The following PPP2R2C variants were observed in gnomAD, a reference collection of about 807,000 sequenced individuals.
The protein encoded by PPP2R2C is protein phosphatase 2 regulatory subunit Bgamma.
PPP2R2C carries 10 observed loss-of-function variants against 45.3 expected under a neutral mutation model. The observed-to-expected ratio is 0.22, with a 90% CI of 0.14 to 0.37. The LOEUF is 0.37. PPP2R2C is among the 10% of genes least tolerant of loss of function. The pLI, the probability that PPP2R2C is intolerant of heterozygous loss-of-function variation, is 1.00. For missense variants in PPP2R2C, 308 were observed against 619.7 expected, an observed-to-expected ratio of 0.50 and a Z score of 5.34; for synonymous variants, 257 against 245.4, an observed-to-expected ratio of 1.05 and a Z score of -0.44.
At chr4:6,354,232 C>CACCGA (rs1431121622) in intron 5 of PPP2R2C, among the ~76,000 whole-genome samples, 2 of 151,790 alleles carry the variant, frequency 1.3e-5, no homozygotes, top group African/African-American at 4.8e-5. Context: ...TCTCCCACCC[C>CACCGA]ACCGAGGAGG....
At chr4:6,359,520 C>T (rs1257571297) in intron 5 of PPP2R2C, among the ~76,000 whole-genome samples, 1 of 151,496 alleles carries the variant, frequency 6.6e-6, no homozygotes, top group Non-Finnish European at 1.5e-5. Context: ...GTAGCTAGTG[C>T]CAATGTTGAA....
intron 5 of PPP2R2C, chr4:6,350,184 G>A (rs1286838069): frequency 2.0e-6 from 2 of 985,248 alleles, no homozygotes; most frequent in African/African-American, 1.7e-5. Context: ...GATACTGAAG[G>A]CCAAGCAAGA....
chr4:6,352,414 C>G (rs1226055790), intron 5 of PPP2R2C, among the ~76,000 whole-genome samples: 3 of 152,202 alleles, frequency 2.0e-5, no homozygotes, highest in Non-Finnish European at 2.9e-5. Context: ...AACTGCTTCA[C>G]AAGGTTCATT....
intron 1 of PPP2R2C, among the ~76,000 whole-genome samples, chr4:6,433,355 A>T (rs534128081): frequency 6.6e-6 from 1 of 152,308 alleles, no homozygotes; most frequent in South Asian, 2.1e-4. Context: ...TTTCATATCC[A>T]TTTCCAGTGG....
intron 2 of PPP2R2C, among the ~76,000 whole-genome samples, chr4:6,528,917 C>T (rs1373111571): frequency 1.3e-5 from 2 of 152,216 alleles, no homozygotes; most frequent in East Asian, 1.9e-4. Context: ...CCTTTGCTGA[C>T]TGTCTTTTCA....
chr4:6,328,310 A>T lies in PPP2R2C; in HGVS notation c.1052+952T>A, dbSNP rs190501554. Among the ~76,000 whole-genome samples the T allele has an allele frequency of 6.6e-6, 1 of 152,280 alleles. No homozygotes were observed. The highest frequency in any genetic ancestry group is 1.5e-5 in the Non-Finnish European group (1 of 68,014). ...AGTCTTTATCTCCACACTGTGTATC[A>T]TCTGGAGACCCACTTCTGAATCTGG... On this transcript the variant is annotated intron_variant, in intron 8 of 8. Coordinates refer to ENST00000382599, the MANE Select transcript of PPP2R2C (RefSeq NM_020416.4). This position sits in a 1 kb window ranked among gnomAD's most constrained non-coding sequence, Gnocchi z 4.4.
At chr4:6,516,974 C>T (rs565294873) in intron 2 of PPP2R2C, among the ~76,000 whole-genome samples, 4 of 152,252 alleles carry the variant, frequency 2.6e-5, no homozygotes, top group Admixed American at 6.5e-5. Context: ...ACTGGGGACA[C>T]GTCAGGAGGA....
intron 2 of PPP2R2C, among the ~76,000 whole-genome samples, chr4:6,525,543 C>A (rs75506311): frequency 0.14 from 21,258 of 152,082 alleles, 2,176 homozygotes; most frequent in African/African-American, 0.28. Flanking sequence ...GACCGGAGGT[C>A]AGACACACTG....
In PPP2R2C at chr4:6,496,232, G is replaced by A. The variant is rs377717006; in HGVS notation, c.49+39039C>T. ...AAATTAGATCTTGGACATATTTTGC[G>A]GGGGGGCAAAGTTCAGCCCTCTATT... is the stretch of plus-strand genomic sequence containing the variant. On this transcript the variant is annotated intron_variant, in intron 2 of 9. Coordinates refer to the PPP2R2C transcript ENST00000506140. Among the ~76,000 whole-genome samples the A allele has an allele frequency of 2.9e-4, 42 of 147,288 alleles. 1 individual carries two copies. The highest frequency in any genetic ancestry group is 9.6e-4 in the African/African-American group (38 of 39,718).
chr4:6,342,582 A>G (rs946291590), intron 6 of PPP2R2C, among the ~76,000 whole-genome samples: 1 of 152,204 alleles, frequency 6.6e-6, no homozygotes, highest in Non-Finnish European at 1.5e-5. Context: ...CGATTCTAAG[A>G]AATCAGGGTC....
In PPP2R2C at chr4:6,357,083, C is replaced by T. The variant is rs527416878; in HGVS notation, c.626-9073G>A. Among the ~76,000 whole-genome samples the T allele has an allele frequency of 1.0e-3, 156 of 149,492 alleles. 1 individual carries two copies. Among genetic ancestry groups the T allele is most frequent in the African/African-American group, 3.7e-3 (148 of 40,286 alleles). On this transcript the variant is annotated intron_variant, in intron 5 of 8. Transcript: ENST00000382599. ...CAGCGAGGTGCTGGGCAGGGAAAGG[C>T]TGTCAGGTGGGACCCTGGGTCCCAG...
chr4:6,557,967 C>T (rs1725464451), intron 1 of PPP2R2C, among the ~76,000 whole-genome samples: 1 of 151,730 alleles, frequency 6.6e-6, no homozygotes, highest in African/African-American at 2.4e-5. Flanking sequence ...CCAGACCTCT[C>T]CTCCTCCCCT....
chr4:6,338,810 G>A (rs763380484), intron 6 of PPP2R2C, among the ~76,000 whole-genome samples: 9 of 152,034 alleles, frequency 5.9e-5, no homozygotes, highest in Non-Finnish European at 1.3e-4. Flanking sequence ...CCTGCCTCCC[G>A]TAGCCCCTGC....
chr4:6,468,669 G>T (rs1395248594), intron 1 of PPP2R2C, among the ~76,000 whole-genome samples: 1 of 152,142 alleles, frequency 6.6e-6, no homozygotes, highest in Non-Finnish European at 1.5e-5. Context: ...CTGTGTCTTG[G>T]TCATCACTGC....
intron 1 of PPP2R2C, among the ~76,000 whole-genome samples, chr4:6,394,403 TA>T (rs1441898323): frequency 6.6e-6 from 1 of 152,240 alleles, no homozygotes; most frequent in Non-Finnish European, 1.5e-5. Context: ...TGCTACTATG[TA>T]CCCAAAGCAA....
intron 1 of PPP2R2C, among the ~76,000 whole-genome samples, chr4:6,417,966 G>A (rs1412071860): frequency 3.9e-5 from 6 of 152,100 alleles, no homozygotes; most frequent in Non-Finnish European, 7.4e-5. Flanking sequence ...ACCCTCTGCC[G>A]CTGGGACAAT....
chr4:6,369,162 T>G (rs1252921332), intron 5 of PPP2R2C, among the ~76,000 whole-genome samples: 1 of 152,198 alleles, frequency 6.6e-6, no homozygotes, highest in Non-Finnish European at 1.5e-5. Flanking sequence ...ATGTGGCTAT[T>G]TCGTTTGAAG....
chr4:6,472,104 G>A, intron 1 of PPP2R2C, 56 bp downstream of exon 1: 1 of 1,608,244 alleles, frequency 6.2e-7, no homozygotes, highest in East Asian at 2.2e-5. Context: ...CATTCGGTGC[G>A]ACGGCATCCC....
At chr4:6,347,746 C>G (rs1712129014) in intron 6 of PPP2R2C, 100 bp downstream of exon 6, 1 of 1,426,714 alleles carries the variant, frequency 7.0e-7, no homozygotes, top group Admixed American at 2.1e-5. Flanking sequence ...ACATGCTCAT[C>G]CCACACCCAC....
Sources: gnomAD v4.1 joint callset for allele counts (sites outside exome capture counted in the v4.1 genomes callset) on GRCh38, gnomAD v4.1.1 for gene constraint, Gnocchi (gnomAD v3.1) non-coding constraint, MANE v1.5 for transcripts, NCBI Gene and HGNC (gene_info 2026-07-23, HGNC 2026-07-21) for gene names.